The following STOX2 variants were observed in gnomAD, a reference collection of about 807,000 sequenced individuals.
The protein encoded by STOX2 is storkhead-box protein 2.
Under a neutral mutation model 60.9 loss-of-function variants are expected in STOX2, and 28 were observed. That is an observed-to-expected ratio of 0.46 (90% CI 0.34 to 0.63). STOX2 has a LOEUF of 0.63. STOX2 is among the 30% of genes least tolerant of loss of function. STOX2 has a pLI of 0.01. For synonymous variants in STOX2, 472 were observed against 463.9 expected (o/e 1.02, Z -0.22); for missense variants, 1,024 against 1,187.7 (o/e 0.86, Z 2.03).
chr4:183,868,444 A>T (rs961444660), intron 1 of STOX2, among the ~76,000 whole-genome samples: 5 of 151,996 alleles, frequency 3.3e-5, no homozygotes, highest in Non-Finnish European at 5.9e-5. Context: ...AGAAAAAAAA[A>T]TTGTTTCTCT....
intron 1 of STOX2, among the ~76,000 whole-genome samples, chr4:183,874,993 A>ATGT (rs1560857952): frequency 2.6e-5 from 3 of 116,010 alleles, no homozygotes; most frequent in African/African-American, 6.5e-5. Context: ...ATATATATAT[A>ATGT]AAACTTAGAA....
rs1739311375 is a variant in STOX2, at chr4:183,821,857, G to A, written c.364+23802G>A. Among the ~76,000 whole-genome samples the A allele has an allele frequency of 6.6e-6, 1 of 152,232 alleles. No individual in the cohort carries two copies. Among genetic ancestry groups the A allele is most frequent in the African/African-American group, 2.4e-5 (1 of 41,464 alleles). On this transcript the variant is annotated intron_variant, in intron 1 of 2. Transcript: ENST00000513034. This position sits in a 1 kb window ranked among gnomAD's most constrained non-coding sequence, Gnocchi z 4.2. ...CAGGTTTGTGAGTCTGTAGGGTGGG[G>A]TTCTAGTCACAGAGTTGGAGCTTAG...
At chr4:183,970,183 G>T (rs73871349) in intron 1 of STOX2, among the ~76,000 whole-genome samples, 1,851 of 58,926 alleles carry the variant, frequency 0.031, 62 homozygotes, top group African/African-American at 0.078. Context: ...TGTGTGTGTG[G>T]GGTTCCAGCT....
chr4:183,922,527 G>T (rs1344683864), intron 1 of STOX2, among the ~76,000 whole-genome samples: 1 of 151,934 alleles, frequency 6.6e-6, no homozygotes, highest in African/African-American at 2.4e-5. Context: ...TGTATTTTTA[G>T]TAGAGACGGG....
chr4:183,881,988 T>G (rs563955056), intron 1 of STOX2, among the ~76,000 whole-genome samples: 24 of 152,322 alleles, frequency 1.6e-4, no homozygotes, highest in Admixed American at 1.5e-3. Flanking sequence ...ATTAATTACA[T>G]GTAATGAGGA....
intron 1 of STOX2, among the ~76,000 whole-genome samples, chr4:183,816,755 G>A (rs549447558): frequency 1.9e-4 from 29 of 152,190 alleles, no homozygotes; most frequent in South Asian, 6.2e-4. Context: ...ACACATTATC[G>A]AAATCCACAA....
At chr4:183,845,854 T>C (rs1440753325) in intron 1 of STOX2, among the ~76,000 whole-genome samples, 1 of 152,272 alleles carries the variant, frequency 6.6e-6, no homozygotes, top group Non-Finnish European at 1.5e-5. Context: ...CAAATATACT[T>C]TAATACTGAC....
At chr4:183,842,198 A>C (rs184790487) in intron 1 of STOX2, among the ~76,000 whole-genome samples, 2 of 152,368 alleles carry the variant, frequency 1.3e-5, no homozygotes, top group Middle Eastern at 3.4e-3. Context: ...AGCAAAACTC[A>C]GTCTTTGTAG....
intron 1 of STOX2, among the ~76,000 whole-genome samples, chr4:183,846,297 T>C (rs1202434243): frequency 2.6e-5 from 4 of 152,232 alleles, no homozygotes; most frequent in Non-Finnish European, 5.9e-5. Context: ...TTATCATGCT[T>C]GGAGTTTGTT....
intron 1 of STOX2, among the ~76,000 whole-genome samples, chr4:183,818,353 C>T (rs1354610490): frequency 1.3e-5 from 2 of 152,104 alleles, no homozygotes; most frequent in Non-Finnish European, 2.9e-5. Context: ...CTTGCACCGC[C>T]CTTAATCCAT....
rs528961034 is a variant in STOX2 at position 184,009,328 on chromosome 4, A to G, written c.490A>G (p.Ile164Val). ...TAAATGGTACCATTTGGACGAGAGG[A>G]TACCTGACCGGTCTCAGTGCACCTC... ...NSKWYHLDER[I>V]PDRSQCTSPQ... Residue 164 changes from isoleucine to valine, a missense_variant, in exon 3 of 4, where the codon ATA becomes GTA. Physicochemically the swap from Ile to Val is conservative, Grantham distance 29 (BLOSUM62 3). Around this residue, in one of 3 missense-constraint regions of STOX2, gnomAD observed 922 missense variants for 1,058.3 expected, o/e 0.87. Coordinates refer to ENST00000308497, the MANE Select transcript of STOX2 (RefSeq NM_020225.3). The surrounding 1 kb of genome is among the most constrained non-coding windows in gnomAD (Gnocchi z 4.0). 3.7e-6 allele frequency: 6 copies of G among 1,613,952 alleles called. No individual in the cohort carries two copies. In the South Asian group the frequency reaches 6.6e-5, roughly 18 times the overall value.
chr4:183,928,028 A>G lies in STOX2; in HGVS notation c.166+21072A>G, dbSNP rs182013834. ...GGTCAGGCTACTCAACAGAGAGGAT[A>G]CAACTGCAGAATCTTTCCAGATGAA... is the stretch of plus-strand genomic sequence containing the variant. On this transcript the variant is annotated intron_variant, in intron 1 of 3. Transcript: ENST00000308497. Among the ~76,000 whole-genome samples the G allele has an allele frequency of 6.6e-5, 10 of 152,342 alleles. No individual in the cohort carries two copies. The South Asian group carries it at 1.2e-3, about 19-fold the overall frequency.
chr4:183,889,740 C>T (rs889024760), intron 1 of STOX2, among the ~76,000 whole-genome samples: 10 of 151,848 alleles, frequency 6.6e-5, no homozygotes, highest in African/African-American at 2.4e-4. Context: ...AGTCTGAGGC[C>T]AGGCATACCA....
intron 1 of STOX2, among the ~76,000 whole-genome samples, chr4:183,963,321 CATT>C (rs1181269790): frequency 6.6e-6 from 1 of 152,120 alleles, no homozygotes; most frequent in Non-Finnish European, 1.5e-5. Flanking sequence ...TACTTAACTT[CATT>C]AATAAAGTGC....
At chr4:183,881,805 C>T (rs946091456) in intron 1 of STOX2, among the ~76,000 whole-genome samples, 9 of 152,196 alleles carry the variant, frequency 5.9e-5, no homozygotes, top group African/African-American at 1.4e-4. Flanking sequence ...CTCTGTGTGG[C>T]ATGCGTGCCA....
rs534467412 is a variant in STOX2, at chr4:183,946,711, C to T, written c.166+39755C>T. 2.3e-3 allele frequency among the ~76,000 whole-genome samples: 345 copies of T among 150,864 alleles called. 2 individuals carry two copies. Among genetic ancestry groups the T allele is most frequent in the Middle Eastern group, 0.018 (5 of 282 alleles). On this transcript the variant is annotated intron_variant, in intron 1 of 3. Transcript: ENST00000308497. ...TATGATCTCAACTCACTGCAACCTC[C>T]GCCTCCCAGCTTCAAGCAATTCTCC...
At chr4:183,957,924 G>A (rs779007485) in intron 1 of STOX2, among the ~76,000 whole-genome samples, 1 of 150,670 alleles carries the variant, frequency 6.6e-6, no homozygotes, top group Non-Finnish European at 1.5e-5. Flanking sequence ...TTTCTTTCAG[G>A]GGGGATGGTA....
intron 1 of STOX2, among the ~76,000 whole-genome samples, chr4:183,949,178 C>G (rs1742993051): frequency 6.6e-6 from 1 of 151,814 alleles, no homozygotes; most frequent in Non-Finnish European, 1.5e-5. Context: ...AGATTAGGCA[C>G]TAAATGAAGA....
intron 1 of STOX2, among the ~76,000 whole-genome samples, chr4:183,960,026 G>A (rs1246536909): frequency 1.3e-5 from 2 of 152,214 alleles, no homozygotes; most frequent in Non-Finnish European, 2.9e-5. Context: ...GCAAAACATA[G>A]TTCTAAATTT....
Sources: gnomAD v4.1 joint callset for allele counts (sites outside exome capture counted in the v4.1 genomes callset) on GRCh38, gnomAD v4.1.1 for gene constraint, gnomAD v4.1.1 regional missense constraint, Gnocchi (gnomAD v3.1) non-coding constraint, MANE v1.5 for transcripts, NCBI Gene and HGNC (gene_info 2026-07-23, HGNC 2026-07-21) for gene names.